ROR2: variants seen among roughly 807,000 people sequenced by gnomAD.
ROR2 encodes the protein ROR family WNT receptor 2, also known as tyrosine-protein kinase transmembrane receptor ROR2.
Under a neutral mutation model 74.9 loss-of-function variants are expected in ROR2, and 33 were observed. The ratio of observed to expected loss-of-function variants is 0.44; its 90% CI spans 0.33 to 0.59. The LOEUF (loss-of-function observed/expected upper bound fraction) is 0.59, where lower values mean the gene tolerates loss of function less well. Among genes scored for constraint, ROR2 ranks in the 20% least tolerant of loss-of-function variants. The pLI, the probability that ROR2 is intolerant of heterozygous loss-of-function variation, is 0.02. For synonymous variants in ROR2, 586 were observed against 558.7 expected (o/e 1.05, Z -0.69); for missense variants, 1,216 against 1,313.8 (o/e 0.93, Z 1.15).
At chr9:91,858,804 G>C (rs1052030912) in intron 1 of ROR2, among the ~76,000 whole-genome samples, 1 of 152,158 alleles carries the variant, frequency 6.6e-6, no homozygotes, top group Non-Finnish European at 1.5e-5. Context: ...ATCTCCACAA[G>C]GACCCGTGAG....
chr9:91,930,781 C>G (rs529092337), intron 1 of ROR2, among the ~76,000 whole-genome samples: 32 of 152,288 alleles, frequency 2.1e-4, no homozygotes, highest in Admixed American at 2.0e-3. Flanking sequence ...ATACAGCAAA[C>G]AGAAACACAT....
At chr9:91,869,463 A>G (rs1587804054) in intron 1 of ROR2, among the ~76,000 whole-genome samples, 1 of 152,208 alleles carries the variant, frequency 6.6e-6, no homozygotes, top group African/African-American at 2.4e-5. Context: ...ACCCCTATAC[A>G]ATGAAATACT....
intron 1 of ROR2, among the ~76,000 whole-genome samples, chr9:91,879,441 G>GGT (rs373884761): frequency 0.12 from 17,621 of 151,136 alleles, 1,967 homozygotes; most frequent in African/African-American, 0.3. Context: ...GGTGTGGGGG[G>GGT]GTGTGTGTGT....
intron 1 of ROR2, among the ~76,000 whole-genome samples, chr9:91,809,312 A>C (rs1827670296): frequency 6.6e-6 from 1 of 152,350 alleles, no homozygotes; most frequent in Middle Eastern, 3.4e-3. Context: ...CTCCTGAGTC[A>C]GTACACAGTT....
intron 5 of ROR2, among the ~76,000 whole-genome samples, chr9:91,735,105 G>A (rs1030831725): frequency 1.3e-5 from 2 of 152,206 alleles, no homozygotes; most frequent in African/African-American, 4.8e-5. Context: ...TCCACTGATA[G>A]GATGTCTCTG....
intron 1 of ROR2, among the ~76,000 whole-genome samples, chr9:91,893,274 A>G (rs922427245): frequency 3.9e-5 from 6 of 151,954 alleles, no homozygotes; most frequent in Non-Finnish European, 5.9e-5. Context: ...AGACAGGAGA[A>G]TCTAAAAATA....
intron 1 of ROR2, among the ~76,000 whole-genome samples, chr9:91,845,354 AG>A (rs1828895550): frequency 6.6e-6 from 1 of 152,170 alleles, no homozygotes; most frequent in Non-Finnish European, 1.5e-5. Context: ...CAAGTCTTTC[AG>A]GTGATCTCAC....
At chr9:91,773,031 A>G (rs1261918256) in intron 2 of ROR2, among the ~76,000 whole-genome samples, 1 of 152,200 alleles carries the variant, frequency 6.6e-6, no homozygotes, top group Non-Finnish European at 1.5e-5. Flanking sequence ...TAAGTGCATC[A>G]TGAATATGCA....
intron 4 of ROR2, among the ~76,000 whole-genome samples, chr9:91,751,179 T>C (rs1428580660): frequency 6.6e-6 from 1 of 152,034 alleles, no homozygotes; most frequent in East Asian, 1.9e-4. Context: ...AGAGGGTCCC[T>C]ATCAGTGAAA....
intron 1 of ROR2, among the ~76,000 whole-genome samples, chr9:91,853,018 C>T (rs1280851986): frequency 1.3e-5 from 2 of 152,174 alleles, no homozygotes; most frequent in African/African-American, 4.8e-5. Context: ...AGGTTGTGGG[C>T]GGGGGTGAGG....
rs57475950 is a variant in ROR2, at chr9:91,867,656, C to CTGTGTGTGTGTGTGTGTGTG, written c.97+82191_97+82210dup. ...ACAAGTTCCTGAGACCACCCATGAG[C>CTGTGTGTGTGTGTGTGTGTG]TGTGTGTGTGTGTGTGTGTGTGTGT... On this transcript the variant is annotated intron_variant, in intron 1 of 8. Coordinates refer to ENST00000375708, the MANE Select transcript of ROR2 (RefSeq NM_004560.4). Among the ~76,000 whole-genome samples, 341 of 131,366 alleles carry CTGTGTGTGTGTGTGTGTGTG rather than the reference C, an allele frequency of 2.6e-3. 4 individuals are homozygous for CTGTGTGTGTGTGTGTGTGTG. The highest frequency in any genetic ancestry group is 3.5e-3 in the Non-Finnish European group (217 of 61,710). The allele number at this position is 131,366 out of a possible 152,430, so 86.2% of individuals were successfully genotyped here. A position where few individuals can be genotyped will look rare whatever the true frequency, so the allele number is the denominator to read the frequency against.
intron 1 of ROR2, among the ~76,000 whole-genome samples, chr9:91,922,434 T>C (rs1831294110): frequency 6.6e-6 from 1 of 152,204 alleles, no homozygotes; most frequent in South Asian, 2.1e-4. Context: ...ATACTGAATG[T>C]TGTTCTACTT....
intron 8 of ROR2, among the ~76,000 whole-genome samples, chr9:91,725,549 G>C (rs1025174360): frequency 1.3e-5 from 2 of 152,130 alleles, no homozygotes; most frequent in African/African-American, 4.8e-5. Flanking sequence ...TTTTTCTCAT[G>C]GACCCCACAG....
At chr9:91,948,944 G>A in intron 1 of ROR2, 1 of 983,530 alleles carries the variant, frequency 1.0e-6, no homozygotes, top group Non-Finnish European at 1.2e-6. Context: ...CCTCCTCCAG[G>A]CAACCTAGGC....
intron 1 of ROR2, among the ~76,000 whole-genome samples, chr9:91,873,849 G>A (rs746338852): frequency 7.2e-5 from 11 of 152,052 alleles, no homozygotes; most frequent in Admixed American, 1.3e-4. Flanking sequence ...ATGCCTTCAG[G>A]GGAACCTTTT....
At chr9:91,929,239 A>T (rs1444799441) in intron 1 of ROR2, among the ~76,000 whole-genome samples, 1 of 152,260 alleles carries the variant, frequency 6.6e-6, no homozygotes, top group African/African-American at 2.4e-5. Flanking sequence ...AACAGGCTGC[A>T]CCAGTTTCCA....
chr9:91,883,131 G>A (rs1830164013), intron 1 of ROR2: 1 of 152,144 alleles, frequency 6.6e-6, no homozygotes. Context: ...TGTATGTATG[G>A]TACAAAACCC....
Position 91,819,650 on chromosome 9 carries a change from C to CTGTG in ROR2, c.98-43833_98-43832insCACA, listed in dbSNP as rs983046326. Among the ~76,000 whole-genome samples the CTGTG allele has an allele frequency of 1.2e-3, 14 of 11,374 alleles. No individual in the cohort carries two copies. In the East Asian group the frequency reaches 0.038, roughly 31 times the overall value. The allele number at this position is 11,374 out of a possible 152,430, so 7.5% of individuals were successfully genotyped here. A position where few individuals can be genotyped will look rare whatever the true frequency, so the allele number is the denominator to read the frequency against. On this transcript the variant is annotated intron_variant, in intron 1 of 8. Coordinates refer to ENST00000375708, the MANE Select transcript of ROR2 (RefSeq NM_004560.4). ...GTGTGTGTTGGTGTGTTTCTGTGTT[C>CTGTG]TCTGTGTCTGTGTCTTTCAGTGTCT...
intron 1 of ROR2, among the ~76,000 whole-genome samples, chr9:91,876,130 T>C (rs1361144434): frequency 6.6e-6 from 1 of 151,954 alleles, no homozygotes; most frequent in Admixed American, 6.5e-5. Context: ...CCCAGCACTT[T>C]GGGAGGCCAA....
Sources: allele counts gnomAD v4.1 joint callset (sites outside exome capture counted in the v4.1 genomes callset), GRCh38; gene constraint gnomAD v4.1.1; transcripts MANE v1.5; gene names NCBI Gene and HGNC (gene_info 2026-07-23, HGNC 2026-07-21).